Variants in IGF2R observed in about 807,000 individuals in gnomAD.
IGF2R encodes the protein insulin like growth factor 2 receptor.
Under a neutral mutation model 270.6 loss-of-function variants are expected in IGF2R, and 91 were observed. The ratio of observed to expected loss-of-function variants is 0.34; its 90% CI spans 0.28 to 0.40. The LOEUF is 0.40. Ranked by LOEUF, IGF2R falls within the 10% of genes least tolerant of loss-of-function variation. IGF2R has a pLI of 1.00. For missense variants in IGF2R, 2,805 were observed against 3,188.3 expected (o/e 0.88, Z 2.90); for synonymous variants, 1,316 against 1,258.9 (o/e 1.05, Z -0.96).
At chr6:160,063,039 GTT>G (rs35789923) in intron 26 of IGF2R, among the ~76,000 whole-genome samples, 11 of 131,246 alleles carry the variant, frequency 8.4e-5, no homozygotes, top group Admixed American at 1.5e-4. Flanking sequence ...AATTGTAAAA[GTT>G]TTTTTTTTTT....
intron 44 of IGF2R, chr6:160,093,896 G>A: frequency 1.4e-6 from 1 of 721,838 alleles, no homozygotes; most frequent in East Asian, 2.8e-5. Flanking sequence ...TCAGGAGGCT[G>A]ATCAGCATGG....
At chr6:159,969,430 G>T in intron 1 of IGF2R, 35 bp downstream of exon 1, 1 of 1,191,564 alleles carries the variant, frequency 8.4e-7, no homozygotes, top group Non-Finnish European at 1.0e-6. Flanking sequence ...CTCCGCTCGC[G>T]GTGCCCGGGG....
chr6:160,060,413 T>G, intron 22 of IGF2R, 134 bp from the exon 23 acceptor site: 1 of 784,840 alleles, frequency 1.3e-6, no homozygotes, highest in South Asian at 1.7e-5. Context: ...CTTGGTGCCC[T>G]GGTGTCATTG....
rs10945645 is a variant in IGF2R, at chr6:159,984,392, G to T, written c.150-6792G>T. Among the ~76,000 whole-genome samples, 899 of 152,148 alleles carry T rather than the reference G, an allele frequency of 5.9e-3. 10 individuals are homozygous for T. The highest frequency in any genetic ancestry group is 0.021 in the African/African-American group (872 of 41,494). On this transcript the variant is annotated intron_variant, in intron 1 of 47. Transcript: ENST00000356956. Reference sequence around the variant, plus strand: ...ACTGCGCTACCAGTCTTATGAAAGCGTCCAGTCAGGTCCTAGGCCTTTAGG... The same window carrying T: ...ACTGCGCTACCAGTCTTATGAAAGCTTCCAGTCAGGTCCTAGGCCTTTAGG...
intron 9 of IGF2R, among the ~76,000 whole-genome samples, 196 bp downstream of exon 9, chr6:160,033,303 GT>G (rs1352964963): frequency 6.6e-6 from 1 of 152,118 alleles, no homozygotes; most frequent in Non-Finnish European, 1.5e-5. Context: ...TGCCTAGCTG[GT>G]TTCTGTAGTT....
At chr6:160,082,418 T>C (rs1779003542) in intron 39 of IGF2R, among the ~76,000 whole-genome samples, 1 of 151,988 alleles carries the variant, frequency 6.6e-6, no homozygotes. Flanking sequence ...CAAGTGATAC[T>C]CCTGCCTCAG....
intron 4 of IGF2R, among the ~76,000 whole-genome samples, chr6:160,011,817 A>G (rs7748856): frequency 0.51 from 77,219 of 151,788 alleles, 19,986 homozygotes; most frequent in East Asian, 0.83. Flanking sequence ...CCTAAAGGGA[A>G]TTTCCTGTTC....
At chr6:159,972,236 C>T (rs939303470) in intron 1 of IGF2R, among the ~76,000 whole-genome samples, 1 of 152,170 alleles carries the variant, frequency 6.6e-6, no homozygotes, top group African/African-American at 2.4e-5. Flanking sequence ...GCCAGGTCTC[C>T]ACTGTGAGCA....
intron 2 of IGF2R, among the ~76,000 whole-genome samples, chr6:159,996,378 CTGTTGCTTCAGGCAGTGGAG>C (rs1273821207): frequency 2.6e-5 from 4 of 152,140 alleles, no homozygotes; most frequent in Admixed American, 2.0e-4. Flanking sequence ...GGGGGAAGCT[CTGTTGCTTCAGGCAGTGGAG>C]TGGTCTGTGG....
intron 1 of IGF2R, among the ~76,000 whole-genome samples, chr6:159,980,207 G>GAAAGAAAGAAAGAAAGA (rs1783765964): frequency 1.1e-5 from 1 of 93,236 alleles, no homozygotes; most frequent in Non-Finnish European, 2.1e-5. Flanking sequence ...AAGAAAGAAA[G>GAAAGAAAGAAAGAAAGA]AAAGAAAGAA....
intron 23 of IGF2R, among the ~76,000 whole-genome samples, 200 bp from the exon 24 acceptor site, chr6:160,061,303 C>T (rs1490039618): frequency 6.6e-6 from 1 of 152,182 alleles, no homozygotes; most frequent in Non-Finnish European, 1.5e-5. Context: ...GCCACCAGGC[C>T]CGGCTGTGAA....
At chr6:160,047,935 T>G in intron 17 of IGF2R, 28 bp downstream of exon 17, 1 of 1,435,046 alleles carries the variant, frequency 7.0e-7, no homozygotes, top group Non-Finnish European at 9.8e-7. Context: ...GCTCTGTTTT[T>G]GGCCTGGTAC....
At chr6:160,046,463 C>T in intron 14 of IGF2R, 35 bp from the exon 15 acceptor site, 2 of 1,587,524 alleles carry the variant, frequency 1.3e-6, no homozygotes, top group Non-Finnish European at 1.7e-6. Context: ...GTCGGACTGA[C>T]CTTCCATACT....
At chr6:159,974,626 T>C (rs538794730) in intron 1 of IGF2R, among the ~76,000 whole-genome samples, 1 of 152,308 alleles carries the variant, frequency 6.6e-6, no homozygotes, top group East Asian at 1.9e-4. Context: ...GGTAATTTTT[T>C]GTTTGGAGGG....
intron 29 of IGF2R, among the ~76,000 whole-genome samples, chr6:160,067,146 A>G (rs866517525): frequency 2.0e-5 from 3 of 151,774 alleles, no homozygotes; most frequent in African/African-American, 4.8e-5. Context: ...TAATAACCTC[A>G]CTTTCACTCT....
chr6:160,073,965 G>A lies in IGF2R; in HGVS notation c.5156G>A (p.Gly1719Asp), dbSNP rs1583293531. 6.2e-7 allele frequency: 1 copy of A among 1,610,886 alleles called. No individual in the cohort carries two copies. The highest frequency in any genetic ancestry group is 1.7e-5 in the Admixed American group (1 of 59,668). ...GCTGTGTGCAAAGTTCCTATTGATG[G>A]TCCCCCCATAGTAAGTATGACAAAT... The part of the protein sequence containing the change: ...GAAVCKVPID[G>D]PPIDIGRVAG... Residue 1719 changes from glycine to aspartate, a missense_variant, in exon 35 of 48, where the codon GGT (glycine) becomes GAT (aspartate). By Grantham distance (94) the Gly-to-Asp change is moderately conservative. Around this residue, in one of 2 missense-constraint regions of IGF2R, gnomAD observed 1,851 missense variants for 2,207.2 expected, o/e 0.84. Transcript: ENST00000356956.
Position 160,094,006 on chromosome 6 carries a change from A to C in IGF2R, c.6656-2433A>C, listed in dbSNP as rs1382970019. 3.1e-5 allele frequency: 20 copies of C among 646,248 alleles called. No homozygotes were observed. In the Admixed American group the frequency reaches 3.7e-4, roughly 12 times the overall value. 40.0% of individuals were successfully genotyped at this position (646,248 alleles called of 1,614,324 possible). ...CTGATTTCTTCACTAAAGGACAGAC[A>C]GCAAACTATTCCTTGCAGTCTAGTA... On this transcript the variant is annotated intron_variant, in intron 44 of 47. Transcript: ENST00000356956.
intron 4 of IGF2R, among the ~76,000 whole-genome samples, chr6:160,015,509 A>G (rs934023036): frequency 2.6e-5 from 4 of 151,828 alleles, no homozygotes; most frequent in African/African-American, 4.8e-5. Flanking sequence ...GGGTGCCCCT[A>G]CTTCATGAAA....
At chr6:160,065,814 G>GTGTGTGTGTGTATATATA in intron 29 of IGF2R, among the ~76,000 whole-genome samples, 24 of 78,364 alleles carry the variant, frequency 3.1e-4, no homozygotes, top group African/African-American at 1.1e-3. Context: ...GTGTGTGTGT[G>GTGTGTGTGTGTATATATA]TATATATATA....
Sources: allele counts gnomAD v4.1 joint callset (sites outside exome capture counted in the v4.1 genomes callset), GRCh38; gene constraint gnomAD v4.1.1; regional missense constraint gnomAD v4.1.1; transcripts MANE v1.5; gene names NCBI Gene and HGNC (gene_info 2026-07-23, HGNC 2026-07-21).